The following KIF2A variants were observed in gnomAD, a reference collection of about 807,000 sequenced individuals.
The protein encoded by KIF2A is kinesin family member 2A, also known as kinesin-like protein KIF2A.
In KIF2A, 22 loss-of-function variants were observed where a neutral mutation model predicts 100.2. The ratio of observed to expected loss-of-function variants is 0.22; its 90% confidence interval spans 0.16 to 0.31. The LOEUF is 0.31. Among genes scored for constraint, KIF2A ranks in the 10% least tolerant of loss-of-function variants. The pLI is 1.00. For missense variants in KIF2A, 495 were observed against 898.7 expected (o/e 0.55, Z 5.74); for synonymous variants, 268 against 285.9 (o/e 0.94, Z 0.63).
At chr5:62,323,556 C>T (rs1298498236) in intron 1 of KIF2A, among the ~76,000 whole-genome samples, 1 of 150,668 alleles carries the variant, frequency 6.6e-6, no homozygotes, top group Non-Finnish European at 1.5e-5. Context: ...ATGTTAAAAA[C>T]ACATAAAATT....
chr5:62,313,784 A>G (rs78096535), intron 1 of KIF2A, among the ~76,000 whole-genome samples: 2,247 of 151,604 alleles, frequency 0.015, 58 homozygotes, highest in African/African-American at 0.051. Flanking sequence ...TAACTTTTAA[A>G]TTGTTTTGGT....
chr5:62,310,070 C>CTTTT (rs5868308), intron 1 of KIF2A, among the ~76,000 whole-genome samples: 47 of 142,798 alleles, frequency 3.3e-4, no homozygotes, highest in African/African-American at 9.8e-4. Flanking sequence ...ACTAATAATT[C>CTTTT]TTTTTTTTTT....
At chr5:62,360,687 A>AT in intron 9 of KIF2A, among the ~76,000 whole-genome samples, 1 of 144,852 alleles carries the variant, frequency 6.9e-6, no homozygotes, top group Middle Eastern at 3.6e-3. Context: ...ACTTCGTCTC[A>AT]AAAAAAAAAA....
At chr5:62,355,996 GTC>G (rs989379321) in intron 7 of KIF2A, among the ~76,000 whole-genome samples, 1 of 151,972 alleles carries the variant, frequency 6.6e-6, no homozygotes, top group African/African-American at 2.4e-5. Flanking sequence ...GGTCAGGCTG[GTC>G]TCGAACTCCT....
In KIF2A at chr5:62,352,583, T is replaced by TA. The variant is rs1747909277; in HGVS notation, c.335-4dup. ...GAATTTAAAATTTTTTTTTTTTACT[T>TA]ACAGTGGTTGGTTCAGCACGTGCAC... On this transcript the variant is annotated splice_region_variant and splice_polypyrimidine_tract_variant and intron_variant, in intron 4 of 20. Transcript: ENST00000407818. 4 of 1,522,526 alleles carry TA rather than the reference T, an allele frequency of 2.6e-6. No individual in the cohort carries two copies. The highest frequency in any genetic ancestry group is 2.3e-5 in the Admixed American group (1 of 42,854). 94.3% of individuals were successfully genotyped at this position (1,522,526 alleles called of 1,614,324 possible).
At chr5:62,340,592 C>CG (rs199840485) in intron 1 of KIF2A, among the ~76,000 whole-genome samples, 2 of 152,030 alleles carry the variant, frequency 1.3e-5, no homozygotes, top group Non-Finnish European at 2.9e-5. Flanking sequence ...TTGTTCTCCC[C>CG]CTAGTGGCAT....
At chr5:62,352,047 G>A (rs950568462) in intron 4 of KIF2A, among the ~76,000 whole-genome samples, 1 of 151,788 alleles carries the variant, frequency 6.6e-6, no homozygotes, top group African/African-American at 2.4e-5. Context: ...TCAGCTACTC[G>A]GGAGGCTGAG....
intron 1 of KIF2A, among the ~76,000 whole-genome samples, chr5:62,314,351 C>T (rs1422443542): frequency 6.6e-6 from 1 of 151,990 alleles, no homozygotes; most frequent in East Asian, 1.9e-4. Flanking sequence ...GTAGCCCCAG[C>T]TACTCAGGAG....
At position 62,350,127 on chromosome 5, in the gene KIF2A, T is replaced by C. The variant is rs149588251; in HGVS notation, c.334+7T>C. 2.6e-4 allele frequency: 394 copies of C among 1,533,108 alleles called. 2 individuals are homozygous for C. In the East Asian group the frequency reaches 6.2e-3, roughly 24 times the overall value. 95.0% of individuals were successfully genotyped at this position (1,533,108 alleles called of 1,614,324 possible). A position where few individuals can be genotyped will look rare whatever the true frequency, so the allele number is the denominator to read the frequency against. The stretch of plus-strand genomic sequence containing the variant: ...CCTTCAAGAGATAATAGAGGTAAAG[T>C]AAAAATTTATCTCTTAATTTTGGCT... On this transcript the variant is annotated splice_region_variant and intron_variant, in intron 4 of 20. Coordinates refer to ENST00000407818, the MANE Select transcript of KIF2A (RefSeq NM_001098511.3).
chr5:62,373,227 A>G (rs1432749573), intron 17 of KIF2A, among the ~76,000 whole-genome samples: 2 of 152,038 alleles, frequency 1.3e-5, no homozygotes, highest in Non-Finnish European at 2.9e-5. Context: ...TGAGCATGAT[A>G]ACTACCAGAA....
rs1040599283 is a variant in KIF2A at position 62,377,902 on chromosome 5, T to A, written c.2013+140T>A. ...ATGTGTATTTGTAGGGCATGTGACATGGCAAATTTTTAATACAATGAACGA... is the reference window on the plus strand; with the variant it reads ...ATGTGTATTTGTAGGGCATGTGACAAGGCAAATTTTTAATACAATGAACGA... On this transcript the variant is annotated intron_variant, in intron 19 of 20. Coordinates refer to ENST00000407818, the MANE Select transcript of KIF2A (RefSeq NM_001098511.3). The A allele has an allele frequency of 1.8e-5, 8 of 440,592 alleles. No individual in the cohort carries two copies. The East Asian group carries it at 2.8e-4, about 15-fold the overall frequency. The allele number at this position is 440,592 out of a possible 1,614,324, so 27.3% of individuals were successfully genotyped here. A position where few individuals can be genotyped will look rare whatever the true frequency, so the allele number is the denominator to read the frequency against.
chr5:62,367,633 A>C (rs1741141577), intron 16 of KIF2A, among the ~76,000 whole-genome samples: 1 of 152,202 alleles, frequency 6.6e-6, no homozygotes, highest in South Asian at 2.1e-4. Flanking sequence ...CATTATAAAC[A>C]TTATAACTGG....
At chr5:62,346,294 A>G (rs1213350941) in intron 1 of KIF2A, among the ~76,000 whole-genome samples, 1 of 152,166 alleles carries the variant, frequency 6.6e-6, no homozygotes, top group South Asian at 2.1e-4. Context: ...ATAGATTTGG[A>G]TAGACAACAT....
rs574549829 is a variant in KIF2A at position 62,382,766 on chromosome 5, TG to T, written c.2149+1516del. ...TTCCTGCCTCAGCCTCCCGAGTAGT[TG>T]GGATTACAGGCACGCGCCACAATGC... On this transcript the variant is annotated intron_variant, in intron 20 of 20. Coordinates refer to ENST00000407818, the MANE Select transcript of KIF2A (RefSeq NM_001098511.3). Among the ~76,000 whole-genome samples the T allele has an allele frequency of 3.9e-4, 59 of 151,794 alleles. 1 individual carries two copies. Among genetic ancestry groups the T allele is most frequent in the African/African-American group, 1.4e-3 (57 of 41,358 alleles).
chr5:62,324,079 T>G (rs1226634097), intron 1 of KIF2A, among the ~76,000 whole-genome samples: 3 of 152,082 alleles, frequency 2.0e-5, no homozygotes. Context: ...TGAAAATTCT[T>G]TTTCAAAATG....
At chr5:62,373,019 C>T (rs1741387111) in intron 17 of KIF2A, among the ~76,000 whole-genome samples, 1 of 151,170 alleles carries the variant, frequency 6.6e-6, no homozygotes, top group Non-Finnish European at 1.5e-5. Flanking sequence ...GGTGGATCAC[C>T]TGAGGTTGAG....
At chr5:62,329,979 C>CATT (rs1325438553) in intron 1 of KIF2A, among the ~76,000 whole-genome samples, 3 of 152,254 alleles carry the variant, frequency 2.0e-5, no homozygotes, top group African/African-American at 7.2e-5. Context: ...TTTGAATTTG[C>CATT]ATTCTACAGT....
At chr5:62,381,735 T>C (rs527326803) in intron 20 of KIF2A, among the ~76,000 whole-genome samples, 26 of 152,318 alleles carry the variant, frequency 1.7e-4, no homozygotes, top group African/African-American at 5.5e-4. Flanking sequence ...CAGCTAATTT[T>C]TAATTTTTTG....
chr5:62,319,403 T>G (rs1745993277), intron 1 of KIF2A, among the ~76,000 whole-genome samples: 1 of 152,232 alleles, frequency 6.6e-6, no homozygotes, highest in South Asian at 2.1e-4. Flanking sequence ...TGAGGCACAC[T>G]ATACTCCAGA....
Sources: gnomAD v4.1 joint callset for allele counts (sites outside exome capture counted in the v4.1 genomes callset) on GRCh38, gnomAD v4.1.1 for gene constraint, MANE v1.5 for transcripts, NCBI Gene and HGNC (gene_info 2026-07-23, HGNC 2026-07-21) for gene names.